DRD2: variants seen among roughly 807,000 people sequenced by gnomAD.
DRD2 encodes dopamine receptor D2.
DRD2 carries 8 observed loss-of-function variants against 38.0 expected under a neutral mutation model. The observed-to-expected ratio is 0.21, with a 90% CI of 0.12 to 0.38. The LOEUF is 0.38. DRD2 is among the 10% of genes least tolerant of loss of function. The pLI, the probability that DRD2 is intolerant of heterozygous loss-of-function variation, is 1.00. For synonymous variants in DRD2, 230 were observed against 238.6 expected (o/e 0.96, Z 0.33); for missense variants, 403 against 607.7 (o/e 0.66, Z 3.54).
chr11:113,416,488 T>C (rs1292169317), intron 4 of DRD2, among the ~76,000 whole-genome samples: 2 of 152,160 alleles, frequency 1.3e-5, no homozygotes, highest in Non-Finnish European at 2.9e-5. Flanking sequence ...TTGTCAGGAG[T>C]GGATGGAAGC....
intron 1 of DRD2, among the ~76,000 whole-genome samples, chr11:113,462,486 G>A (rs1951332359): frequency 6.6e-6 from 1 of 152,196 alleles, no homozygotes; most frequent in South Asian, 2.1e-4. Context: ...AGACAATCAT[G>A]TGAAGACAGA....
intron 1 of DRD2, among the ~76,000 whole-genome samples, chr11:113,468,183 C>G (rs911359694): frequency 6.6e-6 from 1 of 152,142 alleles, no homozygotes; most frequent in Non-Finnish European, 1.5e-5. Context: ...CAGGTGAGAA[C>G]CCCCAGGTGA....
intron 1 of DRD2, among the ~76,000 whole-genome samples, chr11:113,455,487 T>C (rs1043173110): frequency 1.3e-5 from 2 of 152,056 alleles, no homozygotes; most frequent in Non-Finnish European, 2.9e-5. Context: ...TGTTTCTACG[T>C]AGTGAAGGAA....
chr11:113,471,837 A>C (rs894935953), intron 1 of DRD2, among the ~76,000 whole-genome samples: 2 of 152,214 alleles, frequency 1.3e-5, no homozygotes, highest in Admixed American at 6.5e-5. Context: ...TAAGAATCTA[A>C]AGTCCTATAA....
chr11:113,451,045 A>G (rs1951205664), intron 1 of DRD2, among the ~76,000 whole-genome samples: 1 of 152,210 alleles, frequency 6.6e-6, no homozygotes, highest in Admixed American at 6.5e-5. Context: ...GTTCCTTCTC[A>G]CAGTGGGTCC....
At chr11:113,414,037 G>A (rs1458839564) in intron 6 of DRD2, 13 of 368,342 alleles carry the variant, frequency 3.5e-5, no homozygotes, top group South Asian at 2.2e-4. Context: ...AGATCGGTTC[G>A]ATCAAAGAGA....
rs754859319 is a variant in DRD2 at position 113,424,538 on chromosome 11, G to A, written c.114C>T (p.Ala38=). The change falls in exon 2 of 8, where the codon GCC becomes GCT. Residue 38 remains alanine (A), a synonymous_variant. Coordinates refer to ENST00000362072, the MANE Select transcript of DRD2 (RefSeq NM_000795.4). The stretch of plus-strand genomic sequence containing the variant: ...CAGCGATGAGCAGGGTGAGCAGTGT[G>A]GCATAGTAGTTGTAGTGGGGTCTGT... The part of the protein sequence containing the change: ...KADRPHYNYY[A]TLLTLLIAVI... 1 of 1,614,250 alleles carries A rather than the reference G, an allele frequency of 6.2e-7. No homozygotes were observed. Among genetic ancestry groups the A allele is most frequent in the Non-Finnish European group, 8.5e-7 (1 of 1,180,048 alleles).
At chr11:113,473,028 A>G (rs1057477103) in intron 1 of DRD2, among the ~76,000 whole-genome samples, 3 of 152,228 alleles carry the variant, frequency 2.0e-5, no homozygotes, top group Admixed American at 6.5e-5. Flanking sequence ...GTATAACAGC[A>G]GGAGACAAAG....
chr11:113,464,643 G>C (rs1433512814), intron 1 of DRD2, among the ~76,000 whole-genome samples: 1 of 152,200 alleles, frequency 6.6e-6, no homozygotes, highest in Non-Finnish European at 1.5e-5. Flanking sequence ...GACATCGCCA[G>C]GGGTGTTCCT....
intron 3 of DRD2, among the ~76,000 whole-genome samples, chr11:113,417,315 G>A (rs1321900766): frequency 6.6e-6 from 1 of 152,182 alleles, no homozygotes; most frequent in African/African-American, 2.4e-5. Context: ...TTTTGAAACT[G>A]TACCCACTGC....
intron 5 of DRD2, 109 bp from the exon 6 acceptor site, chr11:113,414,570 A>T: frequency 8.6e-7 from 1 of 1,166,750 alleles, no homozygotes; most frequent in East Asian, 2.4e-5. Flanking sequence ...AAGGGCTCAG[A>T]GATCAGGAGG....
intron 1 of DRD2, among the ~76,000 whole-genome samples, chr11:113,430,918 C>G (rs1950980375): frequency 6.6e-6 from 1 of 152,132 alleles, no homozygotes; most frequent in South Asian, 2.1e-4. Flanking sequence ...AATATATAAC[C>G]CAAGGTGCAT....
intron 1 of DRD2, among the ~76,000 whole-genome samples, chr11:113,471,202 A>G (rs1016396734): frequency 1.3e-5 from 2 of 152,206 alleles, no homozygotes; most frequent in Admixed American, 6.5e-5. Context: ...TTGTCAAAAA[A>G]TAAGAAAGTT....
Position 113,452,469 on chromosome 11 carries a change from T to TGTGTGTGTGC in DRD2, c.-32+22606_-32+22607insGCACACACAC, listed in dbSNP as rs1210531875. 3.3e-4 allele frequency among the ~76,000 whole-genome samples: 39 copies of TGTGTGTGTGC among 118,826 alleles called. 1 individual carries two copies. Among genetic ancestry groups the TGTGTGTGTGC allele is most frequent in the African/African-American group, 1.1e-3 (30 of 27,742 alleles). 78.0% of individuals were successfully genotyped at this position (118,826 alleles called of 152,430 possible). On this transcript the variant is annotated intron_variant, in intron 1 of 7. Coordinates refer to ENST00000362072, the MANE Select transcript of DRD2 (RefSeq NM_000795.4). Reference sequence around the variant, plus strand: ...GTGTGTGTGTGTGTGTGTGTGTGTGTGCGCGCGCGCGCGCGCGCACATTGG... The same window carrying TGTGTGTGTGC: ...GTGTGTGTGTGTGTGTGTGTGTGTGTGTGTGTGTGCGCGCGCGCGCGCGCGCGCACATTGG...
At chr11:113,424,960 A>G (rs1326665987) in intron 1 of DRD2, 7 of 447,756 alleles carry the variant, frequency 1.6e-5, no homozygotes, top group Admixed American at 3.7e-5. Flanking sequence ...TTCATTCAAC[A>G]AACACTTCTT....
chr11:113,457,067 G>C (rs1951274543), intron 1 of DRD2, among the ~76,000 whole-genome samples: 1 of 152,160 alleles, frequency 6.6e-6, no homozygotes, highest in African/African-American at 2.4e-5. Flanking sequence ...CAGGCTGGGA[G>C]ACTGACACCA....
At chr11:113,448,673 G>T (rs929469367) in intron 1 of DRD2, among the ~76,000 whole-genome samples, 2 of 152,192 alleles carry the variant, frequency 1.3e-5, no homozygotes, top group African/African-American at 4.8e-5. Flanking sequence ...AGTCTATTCT[G>T]TCTCTTCCTC....
chr11:113,471,107 T>C (rs1273635521), intron 1 of DRD2, among the ~76,000 whole-genome samples: 1 of 152,228 alleles, frequency 6.6e-6, no homozygotes, highest in Non-Finnish European at 1.5e-5. Context: ...CTGAGTCTTA[T>C]AGTTTTATTA....
At chr11:113,468,892 G>A (rs184343318) in intron 1 of DRD2, among the ~76,000 whole-genome samples, 66 of 152,292 alleles carry the variant, frequency 4.3e-4, no homozygotes, top group Admixed American at 1.2e-3. Flanking sequence ...TCACTCCTGT[G>A]TCTGTCCAGG....
Sources: gnomAD v4.1 joint callset for allele counts (sites outside exome capture counted in the v4.1 genomes callset) on GRCh38, gnomAD v4.1.1 for gene constraint, MANE v1.5 for transcripts, NCBI Gene and HGNC (gene_info 2026-07-23, HGNC 2026-07-21) for gene names.